PDE1C: variants seen among roughly 807,000 people sequenced by gnomAD.
The protein encoded by PDE1C is phosphodiesterase 1C, also known as dual specificity calcium/calmodulin-dependent 3',5'-cyclic nucleotide phosphodiesterase 1C.
Under a neutral mutation model 93.1 loss-of-function variants are expected in PDE1C, and 62 were observed. The ratio of observed to expected loss-of-function variants is 0.67; its 90% CI spans 0.54 to 0.82. The LOEUF is 0.82. Ranked by LOEUF, PDE1C falls within the 40% of genes least tolerant of loss-of-function variation. The probability of loss-of-function intolerance (pLI) is 0.00; values close to 1 mark genes in which losing one functional copy is unlikely to be tolerated. For synonymous variants in PDE1C, 325 were observed against 310.1 expected (o/e 1.05, Z -0.50); for missense variants, 742 against 884.6 (o/e 0.84, Z 2.04).
chr7:31,827,464 C>T (rs2128746245), intron 12 of PDE1C, among the ~76,000 whole-genome samples: 1 of 152,238 alleles, frequency 6.6e-6, no homozygotes, highest in Middle Eastern at 3.4e-3. Flanking sequence ...GTTTTTGTAA[C>T]ATTTTGCCCA....
At chr7:31,681,561 C>G in the PDE1C span, among the ~76,000 whole-genome samples, 2 of 152,178 alleles carry the variant, frequency 1.3e-5, no homozygotes, top group African/African-American at 2.4e-5. Flanking sequence ...TGGCTCATAT[C>G]TCTGGTAGAG....
At chr7:32,306,630 A>T (rs1365565495) in intron 1 of PDE1C, among the ~76,000 whole-genome samples, 2 of 152,228 alleles carry the variant, frequency 1.3e-5, no homozygotes, top group Non-Finnish European at 2.9e-5. Context: ...AAATGTAGTC[A>T]TGTCTTTCCT....
chr7:31,983,501 C>T lies in PDE1C; in HGVS notation c.128+68053G>A, dbSNP rs1488711821. On this transcript the variant is annotated intron_variant, in intron 2 of 17. Coordinates refer to ENST00000396191, the MANE Select transcript of PDE1C (RefSeq NM_001191057.4). Reference sequence around the variant, plus strand: ...CCATTCACTATCACAACTGAGAACTCCAAACATTTCGTTGATATTAGAAAG... The same window carrying T: ...CCATTCACTATCACAACTGAGAACTTCAAACATTTCGTTGATATTAGAAAG... Among the ~76,000 whole-genome samples, 3 of 152,290 alleles carry T rather than the reference C, an allele frequency of 2.0e-5. No individual in the cohort carries two copies. The Middle Eastern group carries it at 0.01, about 518-fold the overall frequency.
chr7:32,354,930 C>A (rs13227922), intron 1 of PDE1C, among the ~76,000 whole-genome samples: 25,438 of 152,236 alleles, frequency 0.17, 2,707 homozygotes, highest in South Asian at 0.43. Context: ...ATCTTCTTTG[C>A]AAAGGCAATT....
chr7:31,783,977 C>T (rs996707618), intron 16 of PDE1C: 1 of 152,194 alleles, frequency 6.6e-6, no homozygotes, highest in East Asian at 1.9e-4. Flanking sequence ...CAGAATACAT[C>T]CAGAAATACC....
intron 9 of PDE1C, among the ~76,000 whole-genome samples, chr7:31,846,044 C>T (rs1792532717): frequency 6.6e-6 from 1 of 151,918 alleles, no homozygotes; most frequent in African/African-American, 2.4e-5. Context: ...CAGCTTCACA[C>T]ATATTCAGAT....
At chr7:32,319,635 C>T (rs215627) in intron 1 of PDE1C, among the ~76,000 whole-genome samples, 148,590 of 152,334 alleles carry the variant, frequency 0.98, 72,590 homozygotes, top group Middle Eastern at 1. Flanking sequence ...GTGACTCCCA[C>T]CTTTCAGGTG....
chr7:32,404,849 C>A (rs931059371), intron 1 of PDE1C, among the ~76,000 whole-genome samples: 2 of 152,198 alleles, frequency 1.3e-5, no homozygotes, highest in Non-Finnish European at 2.9e-5. Flanking sequence ...CATGAACTGG[C>A]GTTGCACAGG....
the PDE1C span, among the ~76,000 whole-genome samples, chr7:31,631,950 G>A: frequency 6.6e-6 from 1 of 152,096 alleles, no homozygotes; most frequent in Non-Finnish European, 1.5e-5. Context: ...TGATGACGCC[G>A]GCCGACCAGT....
the PDE1C span, among the ~76,000 whole-genome samples, chr7:31,651,517 T>C: frequency 6.6e-6 from 1 of 152,148 alleles, no homozygotes; most frequent in African/African-American, 2.4e-5. Context: ...CAGCAGGATG[T>C]CTTTAATCAA....
chr7:31,848,976 T>C (rs1792979417), intron 8 of PDE1C, among the ~76,000 whole-genome samples: 1 of 152,242 alleles, frequency 6.6e-6, no homozygotes, highest in African/African-American at 2.4e-5. Context: ...CTTTGTTTTC[T>C]GAACAGGGAT....
At chr7:31,786,968 C>T (rs1244315455) in intron 16 of PDE1C, 1 of 146,586 alleles carries the variant, frequency 6.8e-6, no homozygotes, top group Non-Finnish European at 1.5e-5. Context: ...ATCTATCTAT[C>T]TATCTATCTA....
intron 2 of PDE1C, among the ~76,000 whole-genome samples, chr7:31,941,753 A>G (rs1034871843): frequency 6.6e-6 from 1 of 152,142 alleles, no homozygotes; most frequent in African/African-American, 2.4e-5. Flanking sequence ...CTGTTCTTTA[A>G]TCCAGTGGCC....
chr7:32,382,786 C>T (rs559667569), intron 1 of PDE1C, among the ~76,000 whole-genome samples: 5 of 152,306 alleles, frequency 3.3e-5, no homozygotes, highest in South Asian at 2.1e-4. Context: ...AATTTAGAAA[C>T]GTTCCAAAGG....
chr7:32,233,483 T>A (rs1422677551), intron 1 of PDE1C, among the ~76,000 whole-genome samples: 1 of 151,900 alleles, frequency 6.6e-6, no homozygotes, highest in Non-Finnish European at 1.5e-5. Flanking sequence ...AGTAAATGGA[T>A]AAGAAAAATT....
intron 1 of PDE1C, among the ~76,000 whole-genome samples, chr7:32,251,312 G>A (rs1033783551): frequency 6.6e-6 from 1 of 152,308 alleles, no homozygotes; most frequent in South Asian, 2.1e-4. Context: ...TGACCTGCAC[G>A]TTTGAAGCTG....
chr7:31,969,134 A>G (rs1187206451), intron 2 of PDE1C, among the ~76,000 whole-genome samples: 1 of 152,222 alleles, frequency 6.6e-6, no homozygotes, highest in Admixed American at 6.5e-5. Context: ...GACAAATGGG[A>G]TCTGATTATA....
intron 1 of PDE1C, among the ~76,000 whole-genome samples, chr7:32,348,356 CTTTTTT>C (rs59148183): frequency 1.7e-3 from 95 of 57,342 alleles, no homozygotes; most frequent in Non-Finnish European, 2.8e-3. Context: ...AACAAATGTG[CTTTTTT>C]TTTTTTTTTT....
intron 16 of PDE1C, chr7:31,790,077 T>G (rs1784402894): frequency 6.9e-7 from 1 of 1,439,610 alleles, no homozygotes; most frequent in Non-Finnish European, 9.1e-7. Flanking sequence ...TGGAAGGAGA[T>G]GGTGTGAGGG....
Sources: gnomAD v4.1 joint callset for allele counts (sites outside exome capture counted in the v4.1 genomes callset) on GRCh38, gnomAD v4.1.1 for gene constraint, MANE v1.5 for transcripts, NCBI Gene and HGNC (gene_info 2026-07-23, HGNC 2026-07-21) for gene names.